The following DCDC1 variants were observed in gnomAD, a reference collection of about 807,000 sequenced individuals.
DCDC1 encodes doublecortin domain containing 1, also known as doublecortin domain-containing protein 1.
In DCDC1, 200 loss-of-function variants were observed where a neutral mutation model predicts 178.3. The observed-to-expected ratio is 1.12, with a 90% CI of 1.00 to 1.26. The LOEUF (loss-of-function observed/expected upper bound fraction) is 1.26, where lower values mean the gene tolerates loss of function less well. Ranked by LOEUF, DCDC1 falls within the 50% of genes most tolerant of loss-of-function variation. DCDC1 has a pLI of 0.00. For synonymous variants in DCDC1, 690 were observed against 604.8 expected, an observed-to-expected ratio of 1.14 and a Z score of -2.07; for missense variants, 1,983 against 1,749.2, an observed-to-expected ratio of 1.13 and a Z score of -2.38.
intron 9 of DCDC1, among the ~76,000 whole-genome samples, chr11:31,177,204 G>A (rs184080868): frequency 4.5e-4 from 69 of 152,046 alleles, no homozygotes; most frequent in Middle Eastern, 3.4e-3. Context: ...GACCAAAGGC[G>A]ATTTGCTTTC....
chr11:30,980,257 A>T (rs778684387), intron 20 of DCDC1, among the ~76,000 whole-genome samples: 7 of 152,162 alleles, frequency 4.6e-5, no homozygotes, highest in Non-Finnish European at 7.4e-5. Flanking sequence ...AGCCATGGCA[A>T]CTTCCCTGGG....
chr11:31,088,069 T>A (rs1957588804), intron 17 of DCDC1, among the ~76,000 whole-genome samples: 1 of 152,094 alleles, frequency 6.6e-6, no homozygotes, highest in Non-Finnish European at 1.5e-5. Context: ...AATGGCCCTA[T>A]TTATCCCTAG....
chr11:31,151,605 A>G (rs576489526), intron 9 of DCDC1, among the ~76,000 whole-genome samples: 25 of 152,222 alleles, frequency 1.6e-4, no homozygotes, highest in Middle Eastern at 6.3e-3. Flanking sequence ...ACAATTAATG[A>G]ATACTCAGAG....
At chr11:31,212,822 C>T (rs531877837) in intron 9 of DCDC1, among the ~76,000 whole-genome samples, 80 of 152,104 alleles carry the variant, frequency 5.3e-4, no homozygotes, top group African/African-American at 1.8e-3. Context: ...CAAAAATATA[C>T]AAAACTGTGT....
At chr11:31,224,769 C>T (rs1323679855) in intron 9 of DCDC1, among the ~76,000 whole-genome samples, 1 of 152,018 alleles carries the variant, frequency 6.6e-6, no homozygotes, top group Non-Finnish European at 1.5e-5. Context: ...TGCTCAACAT[C>T]AGTAATTATC....
rs1942357326 is a variant in DCDC1 at position 30,878,599 on chromosome 11, T to TGCCAGAGA, written c.5338_5345dup (p.His1783LeufsTer55). On this transcript the variant is annotated frameshift_variant, in exon 38 of 39. Transcript: ENST00000684477. LOFTEE classifies it high-confidence loss of function. ...CTGATAGGAGTTAATTGTGGAGATG[T>TGCCAGAGA]GCCAGAGACAGCAGCTTCGTGGATG... The TGCCAGAGA allele has an allele frequency of 6.2e-7, 1 of 1,603,638 alleles. No individual in the cohort carries two copies. The highest frequency in any genetic ancestry group is 2.2e-5 in the East Asian group (1 of 44,574).
At chr11:30,935,141 G>A (rs2134342725) in intron 21 of DCDC1, among the ~76,000 whole-genome samples, 1 of 152,280 alleles carries the variant, frequency 6.6e-6, no homozygotes, top group Admixed American at 6.5e-5. Flanking sequence ...GCAGTTATTT[G>A]GCAGGGAGAC....
intron 21 of DCDC1, among the ~76,000 whole-genome samples, chr11:30,940,373 A>G (rs1947554053): frequency 6.6e-6 from 1 of 151,736 alleles, no homozygotes; most frequent in African/African-American, 2.4e-5. Context: ...CTGTTGACCA[A>G]CCCCTCTTCT....
chr11:30,879,414 G>A (rs1323288848), intron 37 of DCDC1, among the ~76,000 whole-genome samples: 1 of 151,990 alleles, frequency 6.6e-6, no homozygotes, highest in Non-Finnish European at 1.5e-5. Context: ...TTACTTAATG[G>A]CAACAATAAA....
intron 6 of DCDC1, among the ~76,000 whole-genome samples, chr11:31,291,345 C>T (rs1172674722): frequency 6.6e-6 from 1 of 151,952 alleles, no homozygotes; most frequent in Non-Finnish European, 1.5e-5. Flanking sequence ...TAATTCTTCT[C>T]CTGTGACTAG....
intron 20 of DCDC1, among the ~76,000 whole-genome samples, chr11:31,024,024 T>C (rs184173074): frequency 1.3e-5 from 2 of 152,040 alleles, no homozygotes; most frequent in African/African-American, 2.4e-5. Context: ...TTTTGAAAAA[T>C]GAGTAAAGTC....
chr11:31,097,049 G>A (rs1591032177), intron 15 of DCDC1, among the ~76,000 whole-genome samples: 1 of 152,186 alleles, frequency 6.6e-6, no homozygotes, highest in Admixed American at 6.5e-5. Flanking sequence ...GTCTTACTGA[G>A]AATCAAAACA....
intron 9 of DCDC1, among the ~76,000 whole-genome samples, chr11:31,158,533 C>T (rs1167899383): frequency 1.3e-5 from 2 of 152,102 alleles, no homozygotes; most frequent in Non-Finnish European, 2.9e-5. Flanking sequence ...TCCTCATTTC[C>T]ACCACCAGCC....
At chr11:31,065,674 T>C (rs1047958494) in intron 18 of DCDC1, among the ~76,000 whole-genome samples, 1 of 152,184 alleles carries the variant, frequency 6.6e-6, no homozygotes, top group Non-Finnish European at 1.5e-5. Flanking sequence ...ACAAAATAGA[T>C]ATTTAATATT....
intron 21 of DCDC1, among the ~76,000 whole-genome samples, chr11:30,934,497 C>G (rs1029206676): frequency 6.6e-6 from 1 of 152,152 alleles, no homozygotes; most frequent in Admixed American, 6.6e-5. Flanking sequence ...GATATAGGTA[C>G]AAGTTGGGAG....
intron 17 of DCDC1, among the ~76,000 whole-genome samples, chr11:31,085,521 C>T (rs1406662407): frequency 6.6e-6 from 1 of 152,044 alleles, no homozygotes; most frequent in East Asian, 1.9e-4. Flanking sequence ...TTTCTACTTT[C>T]CTTCAGCGTA....
intron 20 of DCDC1, among the ~76,000 whole-genome samples, chr11:30,986,022 A>G (rs906618647): frequency 2.0e-5 from 3 of 152,186 alleles, no homozygotes; most frequent in Non-Finnish European, 2.9e-5. Flanking sequence ...TGGATTAAAC[A>G]TGATAGAGGT....
chr11:31,144,224 T>G (rs1259022701), intron 9 of DCDC1, among the ~76,000 whole-genome samples: 1 of 152,164 alleles, frequency 6.6e-6, no homozygotes, highest in Non-Finnish European at 1.5e-5. Flanking sequence ...AACCTCCGCC[T>G]CCCAGGTTAA....
Position 31,115,991 on chromosome 11 carries a change from G to T in DCDC1, c.1486-5630C>A, listed in dbSNP as rs578198376. Among the ~76,000 whole-genome samples the T allele has an allele frequency of 3.1e-3, 412 of 134,388 alleles. 13 individuals are homozygous for T. The highest frequency in any genetic ancestry group is 0.01 in the African/African-American group (400 of 38,160). 88.2% of individuals were successfully genotyped at this position (134,388 alleles called of 152,430 possible). ...ATATAGCTGTGGCAGTGGGGGGGGG[G>T]GGGATGGGTATCTCAGTCCTGAGAG... On this transcript the variant is annotated intron_variant, in intron 11 of 38. Coordinates refer to ENST00000684477, the MANE Select transcript of DCDC1 (RefSeq NM_001387274.1).
Sources: allele counts gnomAD v4.1 joint callset (sites outside exome capture counted in the v4.1 genomes callset), GRCh38; gene constraint gnomAD v4.1.1; transcripts MANE v1.5; gene names NCBI Gene and HGNC (gene_info 2026-07-23, HGNC 2026-07-21).